Variants in MRRF observed in about 807,000 individuals in gnomAD.
The protein encoded by MRRF is ribosome-recycling factor, mitochondrial.
A neutral mutation model predicts 25.1 loss-of-function variants in MRRF; 18 were observed. The ratio of observed to expected loss-of-function variants is 0.72; its 90% CI spans 0.50 to 1.06. MRRF has a LOEUF of 1.06. Among genes scored for constraint, MRRF ranks in the 50% least tolerant of loss-of-function variants. MRRF has a pLI of 0.00. For synonymous variants in MRRF, 113 were observed against 112.1 expected (o/e 1.01, Z -0.05); for missense variants, 323 against 319.3 (o/e 1.01, Z -0.09).
In MRRF at chr9:122,304,400, A is replaced by G. The variant is rs112359869; in HGVS notation, c.552-8827A>G. Among the ~76,000 whole-genome samples the G allele has an allele frequency of 4.5e-3, 679 of 152,220 alleles. 2 individuals are homozygous for G. Among genetic ancestry groups the G allele is most frequent in the Non-Finnish European group, 6.6e-3 (452 of 68,012 alleles). On this transcript the variant is annotated intron_variant, in intron 5 of 6. Transcript: ENST00000344641. ...TGGCTTTTTAGGAGTGCATCTTGCT[A>G]TTGCAGGTCCCAAGTGTGTGGAATG...
chr9:122,324,296 C>T lies in MRRF; in HGVS notation c.*1679C>T, dbSNP rs1056296388. The T allele has an allele frequency of 2.0e-4, 31 of 152,182 alleles. 2 individuals carry two copies. Among genetic ancestry groups the T allele is most frequent in the Admixed American group, 1.7e-3 (26 of 15,282 alleles). 9.4% of individuals were successfully genotyped at this position (152,182 alleles called of 1,614,324 possible). On this transcript the variant is annotated 3_prime_UTR_variant, in exon 7 of 7. Transcript: ENST00000344641. ...CTCACACAACTCAGGGAAACACGTT[C>T]ACTGGTTTATTATAAAAGATACAGC...
chr9:122,322,576 G>A lies in MRRF; in HGVS notation c.748G>A (p.Asp250Asn), dbSNP rs1835956162. The part of the protein sequence containing the change: ...QMADDTVAEL[D>N]RHLAVKTKEL... ...GGCCGATGACACAGTGGCAGAACTG[G>A]ACAGGCATCTGGCAGTGAAGACCAA... Residue 250 changes from aspartate (D) to asparagine (N), a missense_variant, in exon 7 of 7, where the codon GAC becomes AAC. Asp to Asn is a conservative substitution (Grantham distance 23, BLOSUM62 1). Transcript: ENST00000344641. The A allele has an allele frequency of 6.2e-7, 1 of 1,614,118 alleles. No homozygotes were observed. The highest frequency in any genetic ancestry group is 8.5e-7 in the Non-Finnish European group (1 of 1,180,038).
intron 5 of MRRF, among the ~76,000 whole-genome samples, chr9:122,304,076 C>T (rs923330007): frequency 6.6e-6 from 1 of 151,696 alleles, no homozygotes; most frequent in East Asian, 1.9e-4. Context: ...CACACACACA[C>T]ACACACACAC....
intron 6 of MRRF, among the ~76,000 whole-genome samples, chr9:122,322,099 G>A (rs996981519): frequency 9.2e-5 from 14 of 152,124 alleles, no homozygotes; most frequent in African/African-American, 3.4e-4. Flanking sequence ...GGTGGCTCAC[G>A]CCTGTAATCC....
At position 122,327,261 on chromosome 9, in the gene MRRF, TAATAAC is replaced by T. The variant is rs1485488776; in HGVS notation, c.*4647_*4652del. 6.6e-6 allele frequency: 1 copy of T among 152,168 alleles called. No individual in the cohort carries two copies. The highest frequency in any genetic ancestry group is 2.4e-5 in the African/African-American group (1 of 41,412). 9.4% of individuals were successfully genotyped at this position (152,168 alleles called of 1,614,324 possible). A position where few individuals can be genotyped will look rare whatever the true frequency, so the allele number is the denominator to read the frequency against. On this transcript the variant is annotated 3_prime_UTR_variant, in exon 7 of 7. Transcript: ENST00000344641. ...TTCACCAAGCAGTGAATAATGATAA[TAATAAC>T]AACAATAACAGTATTGACAGATCAG...
Position 122,321,411 on chromosome 9 carries a change from T to C in MRRF, c.712-1129T>C, listed in dbSNP as rs532507753. 1.1e-4 allele frequency among the ~76,000 whole-genome samples: 17 copies of C among 152,354 alleles called. No individual in the cohort carries two copies. In the East Asian group the frequency reaches 1.5e-3, roughly 14 times the overall value. ...CAACTACTTCCTCATTCTATAACTTTAGATTTTCTAATTTTTGTATTATTA... is the reference window on the plus strand; with the variant it reads ...CAACTACTTCCTCATTCTATAACTTCAGATTTTCTAATTTTTGTATTATTA... On this transcript the variant is annotated intron_variant, in intron 6 of 6. Coordinates refer to ENST00000344641, the MANE Select transcript of MRRF (RefSeq NM_138777.5).
At chr9:122,285,058 G>T (rs1833302038) in intron 3 of MRRF, 111 bp from the exon 4 acceptor site, 2 of 743,424 alleles carry the variant, frequency 2.7e-6, no homozygotes, top group Admixed American at 4.0e-5. Flanking sequence ...CAAAGCTCTG[G>T]GATAACAGGC....
chr9:122,322,024 T>C (rs1835920152), intron 6 of MRRF, among the ~76,000 whole-genome samples: 1 of 152,166 alleles, frequency 6.6e-6, no homozygotes, highest in Non-Finnish European at 1.5e-5. Flanking sequence ...ATGGGGATAA[T>C]AATAGTATCT....
intron 2 of MRRF, among the ~76,000 whole-genome samples, chr9:122,275,644 A>G (rs754255118): frequency 6.6e-6 from 1 of 151,982 alleles, no homozygotes; most frequent in Non-Finnish European, 1.5e-5. Context: ...CTAAAATACA[A>G]ACAAGCAAAC....
chr9:122,296,619 G>GA (rs1834102472), intron 5 of MRRF, among the ~76,000 whole-genome samples: 1 of 152,174 alleles, frequency 6.6e-6, no homozygotes, highest in Non-Finnish European at 1.5e-5. Context: ...TCTCCTGATA[G>GA]AAGATTTATC....
At chr9:122,315,161 A>G (rs1835434815) in intron 6 of MRRF, among the ~76,000 whole-genome samples, 1 of 152,074 alleles carries the variant, frequency 6.6e-6, no homozygotes, top group African/African-American at 2.4e-5. Flanking sequence ...CTAGGAATGT[A>G]TATTTTTATT....
intron 5 of MRRF, among the ~76,000 whole-genome samples, chr9:122,298,582 G>C (rs558576526): frequency 6.6e-6 from 1 of 152,248 alleles, no homozygotes; most frequent in East Asian, 1.9e-4. Flanking sequence ...ACAACCACTT[G>C]TCTGCTTTTA....
intron 6 of MRRF, among the ~76,000 whole-genome samples, chr9:122,315,397 G>A (rs1187389864): frequency 1.3e-5 from 2 of 152,192 alleles, no homozygotes; most frequent in Non-Finnish European, 2.9e-5. Context: ...ACTAGAGTTA[G>A]AAAAAGATTG....
At chr9:122,320,870 G>A (rs1228504237) in intron 6 of MRRF, among the ~76,000 whole-genome samples, 4 of 152,206 alleles carry the variant, frequency 2.6e-5, no homozygotes, top group Non-Finnish European at 4.4e-5. Flanking sequence ...CCATGCTGCA[G>A]CCCTTAAAGC....
chr9:122,288,082 A>G (rs944813955), intron 4 of MRRF, among the ~76,000 whole-genome samples: 1 of 152,250 alleles, frequency 6.6e-6, no homozygotes, highest in African/African-American at 2.4e-5. Flanking sequence ...CATTGAAGAC[A>G]GAAAACTGTG....
intron 6 of MRRF, among the ~76,000 whole-genome samples, chr9:122,319,846 G>A (rs983566682): frequency 3.3e-5 from 5 of 150,278 alleles, no homozygotes; most frequent in Non-Finnish European, 7.4e-5. Flanking sequence ...CTTGTACTAT[G>A]GTAAAATGTT....
chr9:122,297,258 G>A (rs997302362), intron 5 of MRRF, among the ~76,000 whole-genome samples: 8 of 152,124 alleles, frequency 5.3e-5, no homozygotes, highest in Non-Finnish European at 8.8e-5. Flanking sequence ...GCAGTGAGCC[G>A]AGATCGTGCC....
In MRRF at chr9:122,280,517, G is replaced by C; in HGVS notation, c.259G>C (p.Glu87Gln). The C allele has an allele frequency of 6.2e-7, 1 of 1,613,932 alleles. No homozygotes were observed. Among genetic ancestry groups the C allele is most frequent in the Non-Finnish European group, 8.5e-7 (1 of 1,179,830 alleles). ...GGTTGAGGATATAATCAACTTGGAA[G>C]AGGTGAATGAAGAAATGAAGTCTGT... ...ALVEDIINLE[E>Q]VNEEMKSVIE... The change falls in exon 3 of 7, where the codon GAG becomes CAG. Residue 87 changes from glutamate to glutamine, a missense_variant. By Grantham distance (29) the Glu-to-Gln change is conservative. Coordinates refer to ENST00000344641, the MANE Select transcript of MRRF (RefSeq NM_138777.5).
chr9:122,282,037 C>G (rs879294205), intron 3 of MRRF, among the ~76,000 whole-genome samples: 7 of 152,172 alleles, frequency 4.6e-5, no homozygotes, highest in Non-Finnish European at 2.9e-5. Flanking sequence ...TTCAAAAGGC[C>G]TCCTGTTGGT....
Sources: gnomAD v4.1 joint callset for allele counts (sites outside exome capture counted in the v4.1 genomes callset) on GRCh38, gnomAD v4.1.1 for gene constraint, MANE v1.5 for transcripts, NCBI Gene and HGNC (gene_info 2026-07-23, HGNC 2026-07-21) for gene names.